Variants in PRKN observed in about 807,000 individuals in gnomAD.
The protein encoded by PRKN is E3 ubiquitin-protein ligase parkin.
PRKN carries 56 observed loss-of-function variants against 59.5 expected under a neutral mutation model. The ratio of observed to expected loss-of-function variants is 0.94; its 90% CI spans 0.76 to 1.18. The LOEUF (loss-of-function observed/expected upper bound fraction) is 1.18. PRKN is among the 50% of genes most tolerant of loss of function. The pLI is 0.00. For synonymous variants in PRKN, 250 were observed against 222.1 expected, an observed-to-expected ratio of 1.13 and a Z score of -1.12; for missense variants, 657 against 596.4, an observed-to-expected ratio of 1.10 and a Z score of -1.06.
At chr6:162,150,320 A>G (rs192674522) in intron 4 of PRKN, among the ~76,000 whole-genome samples, 1,659 of 152,292 alleles carry the variant, frequency 0.011, 68 homozygotes, top group Admixed American at 0.071. Context: ...ATGTGAATTT[A>G]AAGTGTCTGA....
In PRKN at chr6:161,409,430, G is replaced by A. The variant is rs1336979866; in HGVS notation, c.1084-22553C>T. On this transcript the variant is annotated intron_variant, in intron 9 of 11. Coordinates refer to ENST00000366898, the MANE Select transcript of PRKN (RefSeq NM_004562.3). This position sits in a 1 kb window ranked among gnomAD's most constrained non-coding sequence, Gnocchi z 4.6. ...AAATTACCAAATGGCACACAAAAAC[G>A]CAGTGTGCTGACACTAATACATAAA... 6.6e-6 allele frequency among the ~76,000 whole-genome samples: 1 copy of A among 152,156 alleles called. No homozygotes were observed. Among genetic ancestry groups the A allele is most frequent in the African/African-American group, 2.4e-5 (1 of 41,432 alleles).
chr6:162,094,876 A>C (rs992210900), intron 4 of PRKN, among the ~76,000 whole-genome samples: 1 of 152,210 alleles, frequency 6.6e-6, no homozygotes, highest in African/African-American at 2.4e-5. Flanking sequence ...AAACATTATG[A>C]AGCCTTCTAT....
intron 2 of PRKN, among the ~76,000 whole-genome samples, chr6:162,398,784 T>C (rs1433802793): frequency 1.3e-5 from 2 of 152,212 alleles, no homozygotes; most frequent in Non-Finnish European, 2.9e-5. Flanking sequence ...TGTGTGTATA[T>C]TACATGATGT....
chr6:161,634,187 A>G (rs1783426980), intron 7 of PRKN, among the ~76,000 whole-genome samples: 2 of 152,158 alleles, frequency 1.3e-5, no homozygotes, highest in Admixed American at 1.3e-4. Context: ...CAGAGACAGA[A>G]AGCACATCCC....
At chr6:162,061,581 A>G (rs974539472) in intron 4 of PRKN, among the ~76,000 whole-genome samples, 2 of 152,194 alleles carry the variant, frequency 1.3e-5, no homozygotes, top group East Asian at 3.9e-4. Context: ...CATATAGTAG[A>G]CACTGACACT....
intron 5 of PRKN, among the ~76,000 whole-genome samples, chr6:162,053,584 A>T (rs1777735312): frequency 6.6e-6 from 1 of 152,198 alleles, no homozygotes; most frequent in Non-Finnish European, 1.5e-5. Flanking sequence ...AGAGGATGGT[A>T]ATTCAATTAC....
intron 4 of PRKN, among the ~76,000 whole-genome samples, chr6:162,177,899 C>T (rs9458474): frequency 0.49 from 73,863 of 152,082 alleles, 19,678 homozygotes; most frequent in Non-Finnish European, 0.61. Flanking sequence ...TCAGTGCCCC[C>T]GGATGTGTGG....
At chr6:161,868,601 A>G (rs1794219378) in intron 6 of PRKN, among the ~76,000 whole-genome samples, 1 of 151,772 alleles carries the variant, frequency 6.6e-6, no homozygotes, top group African/African-American at 2.4e-5. Flanking sequence ...CAAAACAAAC[A>G]AAAGGAAATT....
intron 7 of PRKN, among the ~76,000 whole-genome samples, chr6:161,714,423 T>C (rs6936211): frequency 0.024 from 3,674 of 152,288 alleles, 169 homozygotes; most frequent in African/African-American, 0.084. Context: ...CTCTTGCCTT[T>C]TGCCATGTGA....
At chr6:162,622,287 TTC>T (rs1171825387) in intron 1 of PRKN, among the ~76,000 whole-genome samples, 11 of 140,776 alleles carry the variant, frequency 7.8e-5, no homozygotes, top group South Asian at 6.9e-4. Context: ...TCCTTTCAAA[TTC>T]TGTTTTTTTT....
At chr6:162,549,598 G>A (rs947405915) in intron 1 of PRKN, among the ~76,000 whole-genome samples, 1 of 151,944 alleles carries the variant, frequency 6.6e-6, no homozygotes, top group African/African-American at 2.4e-5. Context: ...CCTAGCAGGG[G>A]AGGTAGAAAG....
rs1173538936 is a variant in PRKN at position 161,400,191 on chromosome 6, G to A, written c.1084-13314C>T. Among the ~76,000 whole-genome samples the A allele has an allele frequency of 2.0e-5, 3 of 152,060 alleles. No individual in the cohort carries two copies. The highest frequency in any genetic ancestry group is 6.5e-5 in the Admixed American group (1 of 15,280). ...CCTGCTGTCTGAGGACTCCTTGCAC[G>A]ATGCAGAGTTCAGTTAAGGGTCCAC... On this transcript the variant is annotated intron_variant, in intron 9 of 11. Coordinates refer to ENST00000366898, the MANE Select transcript of PRKN (RefSeq NM_004562.3). This position sits in a 1 kb window ranked among gnomAD's most constrained non-coding sequence, Gnocchi z 4.2.
chr6:162,404,602 G>C (rs1396268138), intron 2 of PRKN, among the ~76,000 whole-genome samples: 1 of 152,002 alleles, frequency 6.6e-6, no homozygotes, highest in African/African-American at 2.4e-5. Context: ...GCCCAGGCTA[G>C]AGTGCAGTGG....
chr6:161,710,794 T>C (rs1187252443), intron 7 of PRKN, among the ~76,000 whole-genome samples: 2 of 151,846 alleles, frequency 1.3e-5, no homozygotes, highest in Admixed American at 6.6e-5. Flanking sequence ...CCTTCTTTTC[T>C]TTCTTCCTTC....
At chr6:162,722,928 A>T (rs1279745540) in intron 1 of PRKN, among the ~76,000 whole-genome samples, 2 of 152,210 alleles carry the variant, frequency 1.3e-5, no homozygotes, top group Non-Finnish European at 2.9e-5. Context: ...ACTTTAGTAG[A>T]GCCTATTTTT....
At chr6:161,494,664 T>C (rs1466056391) in intron 9 of PRKN, among the ~76,000 whole-genome samples, 2 of 152,212 alleles carry the variant, frequency 1.3e-5, no homozygotes, top group African/African-American at 2.4e-5. Context: ...GTGAGAGCTT[T>C]ACACACATTA....
At chr6:161,368,724 C>T (rs958910565) in intron 10 of PRKN, among the ~76,000 whole-genome samples, 6 of 151,948 alleles carry the variant, frequency 3.9e-5, no homozygotes, top group African/African-American at 7.2e-5. Flanking sequence ...GCTGCCCACC[C>T]GCCCTTCTGC....
intron 7 of PRKN, among the ~76,000 whole-genome samples, chr6:161,738,233 G>C (rs1440023290): frequency 6.6e-6 from 1 of 151,976 alleles, no homozygotes; most frequent in South Asian, 2.1e-4. Context: ...TTACTGAATT[G>C]GTGTCTTTCT....
chr6:162,613,057 T>C (rs1488052532), intron 1 of PRKN, among the ~76,000 whole-genome samples: 3 of 152,232 alleles, frequency 2.0e-5, no homozygotes, highest in Admixed American at 2.0e-4. Flanking sequence ...ATGTTGCCTA[T>C]GAGGGAGATA....
Sources: gnomAD v4.1 joint callset for allele counts (sites outside exome capture counted in the v4.1 genomes callset) on GRCh38, gnomAD v4.1.1 for gene constraint, Gnocchi (gnomAD v3.1) non-coding constraint, MANE v1.5 for transcripts, NCBI Gene and HGNC (gene_info 2026-07-23, HGNC 2026-07-21) for gene names.